The following RNF38 variants were observed in gnomAD, a reference collection of about 807,000 sequenced individuals.
RNF38 encodes the protein ring finger protein 38.
In RNF38, 15 loss-of-function variants were observed where a neutral mutation model predicts 67.2. The observed-to-expected ratio is 0.22, with a 90% CI of 0.15 to 0.34. RNF38 has a LOEUF of 0.34. Among genes scored for constraint, RNF38 ranks in the 10% least tolerant of loss-of-function variants. The pLI is 1.00. For synonymous variants in RNF38, 220 were observed against 218.8 expected (o/e 1.01, Z -0.05); for missense variants, 524 against 639.9 (o/e 0.82, Z 1.95).
intron 1 of RNF38, among the ~76,000 whole-genome samples, chr9:36,440,429 G>A (rs1342808260): frequency 6.6e-6 from 1 of 152,038 alleles, no homozygotes; most frequent in Non-Finnish European, 1.5e-5. Flanking sequence ...TACTAGGGAG[G>A]CTGAGGCAGG....
rs1833103200 is a variant in RNF38, at chr9:36,344,854, T to C, written c.1363A>G (p.Asn455Asp). ...TACAAAGTCTGTTCTGACTGGTGGT[T>C]GTTAGGATTGAACCGATAAGAAGGA... ...QLPSYRFNPNNHQSEQTLCVV... is the reference protein window; with the variant it reads ...QLPSYRFNPNDHQSEQTLCVV... The change falls in exon 10 of 12, where the codon AAC (asparagine) becomes GAC (aspartate). Residue 455 changes from asparagine to aspartate, a missense_variant. Coordinates refer to ENST00000259605, the MANE Select transcript of RNF38 (RefSeq NM_022781.5). 9 of 1,613,976 alleles carry C rather than the reference T, an allele frequency of 5.6e-6. No individual in the cohort carries two copies. The highest frequency in any genetic ancestry group is 7.6e-6 in the Non-Finnish European group (9 of 1,179,856).
At chr9:36,478,126 C>T (rs569312383) in intron 1 of RNF38, among the ~76,000 whole-genome samples, 1 of 152,186 alleles carries the variant, frequency 6.6e-6, no homozygotes, top group South Asian at 2.1e-4. Flanking sequence ...CACATCATGA[C>T]GTAGAATGGT....
At chr9:36,385,396 T>TG (rs969448409) in intron 2 of RNF38, among the ~76,000 whole-genome samples, 2 of 151,110 alleles carry the variant, frequency 1.3e-5, no homozygotes, top group African/African-American at 4.9e-5. Context: ...TTTTTTTTTT[T>TG]GGAGACAGTT....
chr9:36,360,453 G>T (rs973843947), intron 4 of RNF38, among the ~76,000 whole-genome samples: 1 of 152,102 alleles, frequency 6.6e-6, no homozygotes, highest in Non-Finnish European at 1.5e-5. Context: ...AAGCATTTTG[G>T]ATTTTTTGGA....
At chr9:36,451,546 G>T (rs546052111) in intron 1 of RNF38, among the ~76,000 whole-genome samples, 2 of 130,286 alleles carry the variant, frequency 1.5e-5, no homozygotes, top group African/African-American at 5.7e-5. Flanking sequence ...TGTTGCTCAG[G>T]CTGGAGTGCA....
At chr9:36,374,926 TG>T (rs1835672794) in intron 3 of RNF38, among the ~76,000 whole-genome samples, 2 of 152,156 alleles carry the variant, frequency 1.3e-5, no homozygotes, top group East Asian at 1.9e-4. Context: ...ACACATTAAT[TG>T]GGGAGGAGGG....
At chr9:36,362,087 T>C (rs1224864391) in intron 4 of RNF38, among the ~76,000 whole-genome samples, 1 of 152,164 alleles carries the variant, frequency 6.6e-6, no homozygotes, top group Admixed American at 6.5e-5. Context: ...CCGGGCACAG[T>C]GGCTCACGCT....
intron 2 of RNF38, among the ~76,000 whole-genome samples, chr9:36,378,137 A>C (rs1045840658): frequency 1.3e-5 from 2 of 151,848 alleles, no homozygotes; most frequent in Non-Finnish European, 2.9e-5. Context: ...GGCTGGCTGC[A>C]CAACTGGTGA....
upstream of RNF38, among the ~76,000 whole-genome samples, chr9:36,404,835 A>T (rs1229173411): frequency 1.3e-5 from 2 of 152,158 alleles, no homozygotes; most frequent in Admixed American, 1.3e-4. Context: ...CCTCTAGTAC[A>T]GTGCTAACCA....
chr9:36,339,803 A>C lies in RNF38; in HGVS notation c.1497T>G (p.Thr499=), dbSNP rs758385415. ...CVDKWLKANR[T]CPICRADASE... is the part of the protein sequence containing the mutation. ...AAGCATCAGCTCGGCAAATTGGGCA[A>C]GTACGATTTGCCTACAAAACAAAAA... The change falls in exon 12 of 12, where the codon ACT becomes ACG. Residue 499 remains threonine (T), a synonymous_variant. Coordinates refer to ENST00000259605, the MANE Select transcript of RNF38 (RefSeq NM_022781.5). 48 of 1,612,778 alleles carry C rather than the reference A, an allele frequency of 3.0e-5. No individual in the cohort carries two copies. Among genetic ancestry groups the C allele is most frequent in the Non-Finnish European group, 3.8e-5 (45 of 1,179,302 alleles).
chr9:36,364,540 A>T (rs1323246326), intron 4 of RNF38, among the ~76,000 whole-genome samples: 1 of 152,218 alleles, frequency 6.6e-6, no homozygotes, highest in African/African-American at 2.4e-5. Context: ...GTCAAACGTT[A>T]TTATGTAGCA....
At chr9:36,389,356 A>C (rs199614032) in intron 2 of RNF38, among the ~76,000 whole-genome samples, 28,243 of 151,628 alleles carry the variant, frequency 0.19, 3,213 homozygotes, top group Non-Finnish European at 0.26. Context: ...AAAAAAAAAA[A>C]AAAACCCTTT....
At chr9:36,344,187 G>T (rs1360270696) in intron 10 of RNF38, among the ~76,000 whole-genome samples, 1 of 151,974 alleles carries the variant, frequency 6.6e-6, no homozygotes, top group Non-Finnish European at 1.5e-5. Flanking sequence ...GCTAATTTTT[G>T]TATTTTTAGT....
chr9:36,439,033 A>G (rs1839133939), intron 1 of RNF38, among the ~76,000 whole-genome samples: 1 of 150,840 alleles, frequency 6.6e-6, no homozygotes, highest in African/African-American at 2.4e-5. Flanking sequence ...TCATATTATC[A>G]TACTTCAAAT....
chr9:36,470,573 T>C (rs1587200278), intron 1 of RNF38, among the ~76,000 whole-genome samples: 3 of 152,204 alleles, frequency 2.0e-5, no homozygotes, highest in African/African-American at 7.2e-5. Flanking sequence ...GTCACTGTTA[T>C]GTTATAAGCT....
chr9:36,416,449 A>G (rs1838471748), intron 2 of RNF38, among the ~76,000 whole-genome samples: 1 of 152,088 alleles, frequency 6.6e-6, no homozygotes, highest in Non-Finnish European at 1.5e-5. Flanking sequence ...CCAGGCTACA[A>G]AAGCCCCTGC....
chr9:36,401,282 AC>A, upstream of RNF38: 1 of 959,326 alleles, frequency 1.0e-6, no homozygotes, highest in Non-Finnish European at 1.2e-6. Flanking sequence ...CGCGCGCAGC[AC>A]CACTGCGCAG....
At chr9:36,356,545 T>A in intron 5 of RNF38, 72 bp from the exon 6 acceptor site, 1 of 1,314,046 alleles carries the variant, frequency 7.6e-7, no homozygotes, top group Non-Finnish European at 1.0e-6. Context: ...ATAGTGAGAT[T>A]AAAATCTGTC....
upstream of RNF38, chr9:36,400,565 G>C: frequency 1.0e-6 from 1 of 987,678 alleles, no homozygotes; most frequent in Non-Finnish European, 1.2e-6. Flanking sequence ...TGCGAGGGGA[G>C]GCTCCGCCCT....
Sources: gnomAD v4.1 joint callset for allele counts (sites outside exome capture counted in the v4.1 genomes callset) on GRCh38, gnomAD v4.1.1 for gene constraint, MANE v1.5 for transcripts, NCBI Gene and HGNC (gene_info 2026-07-23, HGNC 2026-07-21) for gene names.